Variants in ZNF407 observed in about 807,000 individuals in gnomAD.
The protein encoded by ZNF407 is zinc finger protein 407.
A neutral mutation model predicts 131.2 loss-of-function variants in ZNF407; 17 were observed. That is an observed-to-expected ratio of 0.13 (90% CI 0.09 to 0.19). The LOEUF (loss-of-function observed/expected upper bound fraction) is 0.19, where lower values mean the gene tolerates loss of function less well. Among genes scored for constraint, ZNF407 ranks in the 10% least tolerant of loss-of-function variants. The pLI, the probability that ZNF407 is intolerant of heterozygous loss-of-function variation, is 1.00. For missense variants in ZNF407, 2,681 were observed against 2,830.6 expected (o/e 0.95, Z 1.20); for synonymous variants, 1,156 against 1,062.0 (o/e 1.09, Z -1.72).
At chr18:74,754,677 C>T (rs1968886674) in intron 3 of ZNF407, among the ~76,000 whole-genome samples, 1 of 152,134 alleles carries the variant, frequency 6.6e-6, no homozygotes, top group African/African-American at 2.4e-5. Flanking sequence ...GTTTCTTAAT[C>T]CTGAGTTTGA....
chr18:74,810,097 T>G (rs1368247776), intron 4 of ZNF407, among the ~76,000 whole-genome samples: 1 of 152,150 alleles, frequency 6.6e-6, no homozygotes, highest in Non-Finnish European at 1.5e-5. Flanking sequence ...GGAAGTTGTA[T>G]GTGTAATTGT....
chr18:75,044,917 A>G (rs1255339798), intron 8 of ZNF407, among the ~76,000 whole-genome samples: 1 of 152,194 alleles, frequency 6.6e-6, no homozygotes, highest in Non-Finnish European at 1.5e-5. Flanking sequence ...CTCCACACTC[A>G]GTTTAAACAC....
chr18:74,755,910 T>C (rs1298432), intron 3 of ZNF407, among the ~76,000 whole-genome samples: 526 of 89,084 alleles, frequency 5.9e-3, no homozygotes, highest in East Asian at 8.6e-3. Flanking sequence ...TTTTTTTTTT[T>C]TGAGACTGAG....
At chr18:74,972,530 G>A (rs538841714) in intron 8 of ZNF407, among the ~76,000 whole-genome samples, 3 of 152,076 alleles carry the variant, frequency 2.0e-5, no homozygotes, top group Admixed American at 1.3e-4. Flanking sequence ...ATCTGATCAC[G>A]TCTAGTCTGC....
Position 74,877,186 on chromosome 18 carries a change from C to A in ZNF407, c.4878-11C>A. ...GCCATATTTATATTGTTTTCTCTCT[C>A]CTTCATGCAGGAAATTTACATGCCA... On this transcript the variant is annotated splice_polypyrimidine_tract_variant and intron_variant, in intron 4 of 8. Coordinates refer to ENST00000299687, the MANE Select transcript of ZNF407 (RefSeq NM_017757.3). 2 of 1,613,476 alleles carry A rather than the reference C, an allele frequency of 1.2e-6. No individual in the cohort carries two copies. Among genetic ancestry groups the A allele is most frequent in the Non-Finnish European group, 1.7e-6 (2 of 1,179,576 alleles).
chr18:74,969,915 G>C (rs547728625), intron 8 of ZNF407, among the ~76,000 whole-genome samples: 1 of 152,308 alleles, frequency 6.6e-6, no homozygotes, highest in South Asian at 2.1e-4. Context: ...TAGTCCGTTT[G>C]CACGCTGTTG....
At chr18:74,819,733 G>T (rs938187745) in intron 4 of ZNF407, among the ~76,000 whole-genome samples, 5 of 152,184 alleles carry the variant, frequency 3.3e-5, no homozygotes, top group African/African-American at 9.7e-5. Context: ...TGGTCTTGGG[G>T]ATCCCCAAAG....
intron 8 of ZNF407, among the ~76,000 whole-genome samples, chr18:75,024,277 A>G (rs1973145841): frequency 6.6e-6 from 1 of 152,166 alleles, no homozygotes; most frequent in Non-Finnish European, 1.5e-5. Context: ...TTCTGTTAGG[A>G]CTGATTAACT....
At chr18:74,940,565 AGAAGGGGAAACCAGT>A (rs1162775052) in intron 8 of ZNF407, among the ~76,000 whole-genome samples, 1 of 152,326 alleles carries the variant, frequency 6.6e-6, no homozygotes, top group Non-Finnish European at 1.5e-5. Flanking sequence ...TGAACCAAGA[AGAAGGGGAAACCAGT>A]GAAGGTTGTA....
chr18:75,060,255 T>G (rs1973610509), intron 8 of ZNF407: 1 of 152,244 alleles, frequency 6.6e-6, no homozygotes, highest in Admixed American at 6.5e-5. Flanking sequence ...ATTAGGGAAT[T>G]TGTTAAGCTA....
At chr18:74,787,356 T>C (rs1025595238) in intron 4 of ZNF407, among the ~76,000 whole-genome samples, 2 of 152,200 alleles carry the variant, frequency 1.3e-5, no homozygotes, top group African/African-American at 4.8e-5. Context: ...GGTAATTCTT[T>C]GGGTAATGTA....
At chr18:74,839,868 T>C (rs934296524) in intron 4 of ZNF407, among the ~76,000 whole-genome samples, 1 of 152,190 alleles carries the variant, frequency 6.6e-6, no homozygotes, top group African/African-American at 2.4e-5. Flanking sequence ...TATTTACTTA[T>C]GGATACCAGG....
intron 8 of ZNF407, among the ~76,000 whole-genome samples, chr18:75,031,560 G>A (rs1040391078): frequency 6.6e-6 from 1 of 152,194 alleles, no homozygotes; most frequent in African/African-American, 2.4e-5. Context: ...GAAACTGCTT[G>A]TGTACTAAAT....
At chr18:74,743,875 T>C (rs867393710) in intron 3 of ZNF407, among the ~76,000 whole-genome samples, 1 of 152,182 alleles carries the variant, frequency 6.6e-6, no homozygotes, top group African/African-American at 2.4e-5. Flanking sequence ...AATTGGTACA[T>C]TAATTTGTTT....
chr18:74,642,984 G>A (rs1984793303), intron 3 of ZNF407, among the ~76,000 whole-genome samples: 1 of 152,124 alleles, frequency 6.6e-6, no homozygotes, highest in Non-Finnish European at 1.5e-5. Context: ...CTGAAGAATT[G>A]CAGTAAACTG....
chr18:75,056,265 T>C (rs1240650957), intron 8 of ZNF407, among the ~76,000 whole-genome samples: 1 of 152,272 alleles, frequency 6.6e-6, no homozygotes, highest in Admixed American at 6.5e-5. Context: ...GTATTTCAAG[T>C]AACCTTTCTG....
intron 7 of ZNF407, among the ~76,000 whole-genome samples, chr18:74,903,019 C>T (rs1252891826): frequency 6.6e-6 from 1 of 152,148 alleles, no homozygotes; most frequent in Non-Finnish European, 1.5e-5. Flanking sequence ...TTTATGGCTG[C>T]CCTTGCCCCA....
At chr18:74,957,470 T>C (rs138062980) in intron 8 of ZNF407, among the ~76,000 whole-genome samples, 10 of 152,070 alleles carry the variant, frequency 6.6e-5, no homozygotes, top group Non-Finnish European at 1.3e-4. Context: ...AGATGAGGGA[T>C]TGAATTTTGA....
At chr18:75,035,848 C>T (rs17056202) in intron 8 of ZNF407, among the ~76,000 whole-genome samples, 2,694 of 152,296 alleles carry the variant, frequency 0.018, 65 homozygotes, top group African/African-American at 0.062. Context: ...AGAGGTATCA[C>T]AGTAGAATAG....
Sources: gnomAD v4.1 joint callset for allele counts (sites outside exome capture counted in the v4.1 genomes callset) on GRCh38, gnomAD v4.1.1 for gene constraint, MANE v1.5 for transcripts, NCBI Gene and HGNC (gene_info 2026-07-23, HGNC 2026-07-21) for gene names.